The following ZNF638 variants were observed in gnomAD, a reference collection of about 807,000 sequenced individuals.
The protein encoded by ZNF638 is CTCL tumor antigen se33-1.
In ZNF638, 46 loss-of-function variants were observed where a neutral mutation model predicts 195.6. The ratio of observed to expected loss-of-function variants is 0.24; its 90% CI spans 0.19 to 0.30. ZNF638 has a LOEUF of 0.30. Among genes scored for constraint, ZNF638 ranks in the 10% least tolerant of loss-of-function variants. The probability of loss-of-function intolerance (pLI) is 1.00; values close to 1 mark genes in which losing one functional copy is unlikely to be tolerated. For missense variants in ZNF638, 2,440 were observed against 2,325.3 expected (o/e 1.05, Z -1.01); for synonymous variants, 845 against 772.0 (o/e 1.09, Z -1.57).
intron 2 of ZNF638, among the ~76,000 whole-genome samples, chr2:71,355,029 C>T (rs1018725923): frequency 6.6e-5 from 10 of 151,918 alleles, no homozygotes; most frequent in African/African-American, 1.5e-4. Context: ...AGTGCAGTGG[C>T]GCAATCTCGG....
intron 10 of ZNF638, among the ~76,000 whole-genome samples, chr2:71,390,196 A>G (rs1018276284): frequency 1.3e-5 from 2 of 152,212 alleles, no homozygotes; most frequent in African/African-American, 4.8e-5. Context: ...CAGGTGGGAA[A>G]CTTCATGAGG....
chr2:71,386,047 T>A (rs779716300), intron 10 of ZNF638, among the ~76,000 whole-genome samples: 12 of 152,152 alleles, frequency 7.9e-5, no homozygotes, highest in Non-Finnish European at 1.5e-4. Flanking sequence ...ATCCTTTCCA[T>A]AAATACTGAA....
intron 10 of ZNF638, chr2:71,380,906 A>G (rs941261919): frequency 4.1e-5 from 7 of 169,618 alleles, no homozygotes; most frequent in Non-Finnish European, 7.5e-5. Context: ...TAAGAAAGGT[A>G]TGTTAAGAAT....
intron 13 of ZNF638, 115 bp downstream of exon 13, chr2:71,399,760 G>A (rs1009653430): frequency 9.0e-6 from 7 of 776,780 alleles, no homozygotes; most frequent in African/African-American, 1.8e-5. Flanking sequence ...ATGGGGGTTT[G>A]TTGTACAGGT....
At chr2:71,388,912 A>C (rs1361680624) in intron 10 of ZNF638, among the ~76,000 whole-genome samples, 35 of 152,158 alleles carry the variant, frequency 2.3e-4, no homozygotes, top group Non-Finnish European at 2.1e-4. Context: ...GTTGTTTCCC[A>C]TAATCCATGG....
chr2:71,338,982 G>A (rs913096199), intron 1 of ZNF638, among the ~76,000 whole-genome samples: 1 of 151,950 alleles, frequency 6.6e-6, no homozygotes, highest in Non-Finnish European at 1.5e-5. Context: ...CAGCTTCATC[G>A]TTTTCTGTAT....
chr2:71,377,411 A>T (rs750367806), intron 8 of ZNF638, among the ~76,000 whole-genome samples: 1 of 152,232 alleles, frequency 6.6e-6, no homozygotes, highest in Non-Finnish European at 1.5e-5. Flanking sequence ...ATTACAATTA[A>T]AACTGGAGCA....
Position 71,381,252 on chromosome 2 carries a change from T to C in ZNF638, c.2377+687T>C, listed in dbSNP as rs572780570. Reference sequence around the variant, plus strand: ...TTAGGAACTTACATTGCGTTTTGTATGTTCTGTTTGGGGAAGGTAAAAATA... The same window carrying C: ...TTAGGAACTTACATTGCGTTTTGTACGTTCTGTTTGGGGAAGGTAAAAATA... On this transcript the variant is annotated intron_variant, in intron 10 of 27. Transcript: ENST00000264447. Among the ~76,000 whole-genome samples, 8 of 152,200 alleles carry C rather than the reference T, an allele frequency of 5.3e-5. No individual in the cohort carries two copies. In the East Asian group the frequency reaches 1.2e-3, roughly 22 times the overall value.
At chr2:71,370,938 T>G (rs1358546106) in intron 8 of ZNF638, among the ~76,000 whole-genome samples, 1 of 152,202 alleles carries the variant, frequency 6.6e-6, no homozygotes, top group Non-Finnish European at 1.5e-5. Context: ...CATTCTGTTT[T>G]TTTTTGGTAC....
At chr2:71,361,939 G>T (rs568345023) in intron 3 of ZNF638, among the ~76,000 whole-genome samples, 2 of 152,204 alleles carry the variant, frequency 1.3e-5, no homozygotes, top group Non-Finnish European at 1.5e-5. Flanking sequence ...AATAAGGTTC[G>T]ACCTAACGTT....
chr2:71,366,045 A>T (rs1409365689), intron 6 of ZNF638, among the ~76,000 whole-genome samples: 1 of 152,204 alleles, frequency 6.6e-6, no homozygotes, highest in East Asian at 1.9e-4. Flanking sequence ...TACATTTGCT[A>T]TGACAAACAG....
At chr2:71,420,518 T>C (rs955465138) in intron 21 of ZNF638, among the ~76,000 whole-genome samples, 2 of 152,216 alleles carry the variant, frequency 1.3e-5, no homozygotes, top group African/African-American at 4.8e-5. Context: ...TCTCAGAATG[T>C]TTGTCTTTCA....
chr2:71,350,376 A>G, intron 2 of ZNF638, 105 bp downstream of exon 2: 1 of 1,183,910 alleles, frequency 8.4e-7, no homozygotes, highest in Non-Finnish European at 1.2e-6. Context: ...AGGAAATGGC[A>G]GAAGGTAATT....
chr2:71,384,838 A>G (rs1183970554), intron 10 of ZNF638, among the ~76,000 whole-genome samples: 3 of 152,240 alleles, frequency 2.0e-5, no homozygotes, highest in Non-Finnish European at 4.4e-5. Context: ...AAAATATTTC[A>G]GAAAATGTTT....
chr2:71,336,465 A>G (rs1045000998), intron 1 of ZNF638, among the ~76,000 whole-genome samples: 1 of 152,124 alleles, frequency 6.6e-6, no homozygotes, highest in Non-Finnish European at 1.5e-5. Flanking sequence ...ACTGAAAGAA[A>G]GGTGGATGTA....
At chr2:71,390,044 G>T (rs1334471227) in intron 10 of ZNF638, among the ~76,000 whole-genome samples, 2 of 152,176 alleles carry the variant, frequency 1.3e-5, no homozygotes, top group Non-Finnish European at 2.9e-5. Flanking sequence ...CAGGTCATAA[G>T]AAGAGGCAGT....
intron 10 of ZNF638, chr2:71,393,777 C>A (rs1197399288): frequency 1.6e-6 from 1 of 621,322 alleles, no homozygotes; most frequent in Admixed American, 2.6e-5. Flanking sequence ...GCACCCCCTT[C>A]CCAGCCTCTA....
At position 71,422,949 on chromosome 2, in the gene ZNF638, G is replaced by A. The variant is rs1421708523; in HGVS notation, c.3435G>A (p.Glu1145=). ...CAGAAACTTTGGTACAGCAGGAAGA[G>A]CCTTGTGAGGAAGAAGCTGAAAAAG... ...IQTETLVQQE[E]PCEEEAEKAT... The change falls in exon 22 of 28, where the codon GAG becomes GAA. Residue 1145 remains glutamate, a synonymous_variant. Transcript: ENST00000264447. 9 of 1,614,048 alleles carry A rather than the reference G, an allele frequency of 5.6e-6. No homozygotes were observed. The East Asian group carries it at 6.7e-5, about 12-fold the overall frequency.
chr2:71,350,285 A>C lies in ZNF638; in HGVS notation c.1317+14A>C. 1 of 1,594,234 alleles carries C rather than the reference A, an allele frequency of 6.3e-7. No individual in the cohort carries two copies. Among genetic ancestry groups the C allele is most frequent in the African/African-American group, 1.3e-5 (1 of 74,758 alleles). ...AGTCATTTGAAGGTGAGTGTTTTTAAAAAAAGATCACTGTATAATGATGCT... is the reference window on the plus strand; with the variant it reads ...AGTCATTTGAAGGTGAGTGTTTTTACAAAAAGATCACTGTATAATGATGCT... On this transcript the variant is annotated intron_variant, in intron 2 of 27. Coordinates refer to ENST00000264447, the MANE Select transcript of ZNF638 (RefSeq NM_014497.5).
Sources: allele counts gnomAD v4.1 joint callset (sites outside exome capture counted in the v4.1 genomes callset), GRCh38; gene constraint gnomAD v4.1.1; transcripts MANE v1.5; gene names NCBI Gene and HGNC (gene_info 2026-07-23, HGNC 2026-07-21).